ADAMTS12: variants seen among roughly 807,000 people sequenced by gnomAD.
The protein encoded by ADAMTS12 is A disintegrin and metalloproteinase with thrombospondin motifs 12.
In ADAMTS12, 118 loss-of-function variants were observed where a neutral mutation model predicts 167.8. The observed-to-expected ratio is 0.70, with a 90% CI of 0.61 to 0.82. The LOEUF (loss-of-function observed/expected upper bound fraction) is 0.82. Among genes scored for constraint, ADAMTS12 ranks in the 40% least tolerant of loss-of-function variants. The probability of loss-of-function intolerance (pLI) is 0.00; values close to 1 mark genes in which losing one functional copy is unlikely to be tolerated. For synonymous variants in ADAMTS12, 704 were observed against 716.9 expected (o/e 0.98, Z 0.29); for missense variants, 1,916 against 1,998.8 (o/e 0.96, Z 0.79).
At chr5:33,598,932 T>A (rs1561157766) in intron 16 of ADAMTS12, among the ~76,000 whole-genome samples, 1 of 152,196 alleles carries the variant, frequency 6.6e-6, no homozygotes, top group Non-Finnish European at 1.5e-5. Flanking sequence ...ATCTGCTGCA[T>A]CTGTGTCTCA....
chr5:33,582,962 C>T (rs1747145867), intron 18 of ADAMTS12, among the ~76,000 whole-genome samples: 1 of 152,182 alleles, frequency 6.6e-6, no homozygotes, highest in Middle Eastern at 3.2e-3. Context: ...TCCACCCTCT[C>T]AAGCTTTTAT....
At chr5:33,529,212 C>T (rs1217300309) in intron 23 of ADAMTS12, among the ~76,000 whole-genome samples, 6 of 152,164 alleles carry the variant, frequency 3.9e-5, no homozygotes. Flanking sequence ...AGTTCTAACC[C>T]TTGTTCTCCT....
chr5:33,637,203 C>A (rs573369459), intron 12 of ADAMTS12, among the ~76,000 whole-genome samples: 5 of 152,150 alleles, frequency 3.3e-5, no homozygotes, highest in Non-Finnish European at 5.9e-5. Context: ...TTCAAACCCA[C>A]AATGACCTTT....
intron 2 of ADAMTS12, among the ~76,000 whole-genome samples, chr5:33,848,725 T>C (rs1177231361): frequency 6.6e-6 from 1 of 152,160 alleles, no homozygotes; most frequent in African/African-American, 2.4e-5. Context: ...TTAGCAGAAG[T>C]ATTTTGAGTG....
At chr5:33,715,037 C>T (rs908602412) in intron 3 of ADAMTS12, among the ~76,000 whole-genome samples, 3 of 151,942 alleles carry the variant, frequency 2.0e-5, no homozygotes, top group African/African-American at 7.3e-5. Context: ...ACATTGTATG[C>T]ATATATCAAA....
At chr5:33,754,747 T>C (rs974770452) in intron 2 of ADAMTS12, among the ~76,000 whole-genome samples, 4 of 152,008 alleles carry the variant, frequency 2.6e-5, no homozygotes, top group Non-Finnish European at 4.4e-5. Context: ...TCCCAGCTAC[T>C]TGGGAGGCTG....
At chr5:33,647,738 C>T (rs1740728309) in intron 9 of ADAMTS12, among the ~76,000 whole-genome samples, 1 of 151,270 alleles carries the variant, frequency 6.6e-6, no homozygotes, top group African/African-American at 2.4e-5. Flanking sequence ...CTCAAACAAA[C>T]AAACAAAAAC....
chr5:33,838,369 T>G (rs1486412425), intron 2 of ADAMTS12, among the ~76,000 whole-genome samples: 1 of 152,098 alleles, frequency 6.6e-6, no homozygotes, highest in East Asian at 1.9e-4. Flanking sequence ...AAAAGAATCG[T>G]AGGCCACAAA....
At chr5:33,662,744 C>T (rs1247337973) in intron 5 of ADAMTS12, among the ~76,000 whole-genome samples, 2 of 152,218 alleles carry the variant, frequency 1.3e-5, no homozygotes, top group Non-Finnish European at 2.9e-5. Context: ...TGGATGAACA[C>T]TTGCTGAATG....
chr5:33,534,329 A>G (rs1744264411), intron 23 of ADAMTS12, among the ~76,000 whole-genome samples: 1 of 152,020 alleles, frequency 6.6e-6, no homozygotes, highest in Non-Finnish European at 1.5e-5. Flanking sequence ...TTTTCCATCC[A>G]GCTTTCTCCA....
intron 2 of ADAMTS12, among the ~76,000 whole-genome samples, chr5:33,779,071 G>A (rs563439187): frequency 1.3e-5 from 2 of 151,732 alleles, no homozygotes; most frequent in African/African-American, 2.4e-5. Flanking sequence ...ATGTAAATTA[G>A]AACAGCCATT....
At chr5:33,595,851 T>G (rs764685354) in intron 17 of ADAMTS12, 83 bp downstream of exon 17, 110 of 1,550,654 alleles carry the variant, frequency 7.1e-5, no homozygotes, top group Non-Finnish European at 9.3e-5. Context: ...ACAATATTTC[T>G]TTATCAGCAA....
chr5:33,743,120 C>A (rs945941521), intron 3 of ADAMTS12, among the ~76,000 whole-genome samples: 1 of 152,138 alleles, frequency 6.6e-6, no homozygotes. Context: ...ACAGCCAGGG[C>A]AAAGGCCCTG....
chr5:33,589,175 T>C (rs1039455243), intron 17 of ADAMTS12, among the ~76,000 whole-genome samples: 4 of 152,230 alleles, frequency 2.6e-5, no homozygotes, highest in African/African-American at 9.6e-5. Flanking sequence ...ATTTTCTTTA[T>C]ATGAGTGTTG....
intron 2 of ADAMTS12, among the ~76,000 whole-genome samples, chr5:33,850,599 T>A (rs923508438): frequency 6.6e-6 from 1 of 152,270 alleles, no homozygotes; most frequent in Non-Finnish European, 1.5e-5. Flanking sequence ...ACCAGCATCA[T>A]GCTGCCACCA....
chr5:33,757,472 G>A (rs1745206460), intron 2 of ADAMTS12, among the ~76,000 whole-genome samples: 1 of 152,110 alleles, frequency 6.6e-6, no homozygotes, highest in African/African-American at 2.4e-5. Context: ...TGGAAGCTGG[G>A]TTCCACTTCT....
In ADAMTS12 at chr5:33,595,927, TG is replaced by T. The variant is rs1171001918; in HGVS notation, c.2654+6del. Reference sequence around the variant, plus strand: ...CACACAGAGCTCCAGCTGTTAGCGATGGTTACCTGGGTGGACAAGCCTTTTC... The same window carrying T: ...CACACAGAGCTCCAGCTGTTAGCGATGTTACCTGGGTGGACAAGCCTTTTC... On this transcript the variant is annotated splice_donor_region_variant and intron_variant, in intron 17 of 23. Transcript: ENST00000504830. 6.2e-7 allele frequency: 1 copy of T among 1,613,904 alleles called. No homozygotes were observed. The highest frequency in any genetic ancestry group is 1.3e-5 in the African/African-American group (1 of 74,928).
intron 2 of ADAMTS12, among the ~76,000 whole-genome samples, chr5:33,829,480 C>T (rs1453785805): frequency 1.3e-5 from 2 of 152,152 alleles, no homozygotes; most frequent in Admixed American, 1.3e-4. Context: ...CTTCCCTCCC[C>T]ACCTTTCCAA....
At chr5:33,670,701 C>G (rs1043619839) in intron 5 of ADAMTS12, among the ~76,000 whole-genome samples, 2 of 152,176 alleles carry the variant, frequency 1.3e-5, no homozygotes, top group Admixed American at 1.3e-4. Flanking sequence ...GAGATCGTGC[C>G]ACTGCACTCC....
Sources: allele counts gnomAD v4.1 joint callset (sites outside exome capture counted in the v4.1 genomes callset), GRCh38; gene constraint gnomAD v4.1.1; transcripts MANE v1.5; gene names NCBI Gene and HGNC (gene_info 2026-07-23, HGNC 2026-07-21).